NSMCE2: variants seen among roughly 807,000 people sequenced by gnomAD.
The protein encoded by NSMCE2 is E3 SUMO-protein ligase NSE2.
Under a neutral mutation model 23.8 loss-of-function variants are expected in NSMCE2, and 24 were observed. The observed-to-expected ratio is 1.01, with a 90% CI of 0.73 to 1.42. The LOEUF is 1.42. Among genes scored for constraint, NSMCE2 ranks in the 40% most tolerant of loss-of-function variants. The pLI is 0.00. For synonymous variants in NSMCE2, 92 were observed against 94.1 expected (o/e 0.98, Z 0.13); for missense variants, 284 against 296.5 (o/e 0.96, Z 0.31).
At position 125,264,865 on chromosome 8, in the gene NSMCE2, T is replaced by G. The variant is rs758542807; in HGVS notation, c.418+82609T>G. On this transcript the variant is annotated intron_variant, in intron 5 of 7. Transcript: ENST00000287437. The stretch of plus-strand genomic sequence containing the variant: ...TTATATCTTCTAGTACCTTGACACA[T>G]GCAAATATCTCATTTAATCTTCACA... Among the ~76,000 whole-genome samples, 5 of 152,304 alleles carry G rather than the reference T, an allele frequency of 3.3e-5. No homozygotes were observed. The South Asian group carries it at 6.2e-4, about 19-fold the overall frequency.
intron 5 of NSMCE2, among the ~76,000 whole-genome samples, chr8:125,238,570 A>T (rs1399330752): frequency 6.6e-6 from 1 of 151,876 alleles, no homozygotes; most frequent in Non-Finnish European, 1.5e-5. Context: ...ATTAAACAGC[A>T]TTTTTTTTCC....
intron 4 of NSMCE2, among the ~76,000 whole-genome samples, chr8:125,175,742 T>A (rs773594555): frequency 9.2e-5 from 14 of 152,244 alleles, no homozygotes; most frequent in Non-Finnish European, 1.6e-4. Flanking sequence ...GAGGAGACTT[T>A]GACTTTGCCC....
intron 5 of NSMCE2, among the ~76,000 whole-genome samples, chr8:125,308,396 GTCT>G (rs1318461210): frequency 6.6e-6 from 1 of 152,122 alleles, no homozygotes; most frequent in Non-Finnish European, 1.5e-5. Flanking sequence ...TCGCCTAATG[GTCT>G]TCTTGAGTCA....
chr8:125,174,032 C>T (rs1822352757), intron 4 of NSMCE2, among the ~76,000 whole-genome samples: 1 of 152,136 alleles, frequency 6.6e-6, no homozygotes, highest in Non-Finnish European at 1.5e-5. Context: ...CCTCATTTCA[C>T]CTTGCCCTCA....
At chr8:125,277,510 CTT>C (rs60732204) in intron 5 of NSMCE2, among the ~76,000 whole-genome samples, 1 of 145,152 alleles carries the variant, frequency 6.9e-6, no homozygotes, top group Non-Finnish European at 1.5e-5. Context: ...TCTTCTTCTT[CTT>C]TTTTTTTTTT....
At chr8:125,139,267 C>G (rs917931966) in intron 3 of NSMCE2, among the ~76,000 whole-genome samples, 1 of 152,196 alleles carries the variant, frequency 6.6e-6, no homozygotes, top group Non-Finnish European at 1.5e-5. Context: ...CCAGGGTACC[C>G]TGTACAGTGC....
intron 5 of NSMCE2, among the ~76,000 whole-genome samples, chr8:125,324,229 C>A (rs1829556942): frequency 6.6e-6 from 1 of 152,146 alleles, no homozygotes; most frequent in Non-Finnish European, 1.5e-5. Context: ...TCTCTTCACA[C>A]TGCTGGTGGA....
intron 1 of NSMCE2, among the ~76,000 whole-genome samples, chr8:125,096,315 G>C (rs1343171932): frequency 2.6e-5 from 4 of 152,204 alleles, no homozygotes; most frequent in Admixed American, 2.6e-4. Context: ...AGAGGAAATG[G>C]TTTTGGTGGG....
At chr8:125,365,085 A>T (rs556582211) in intron 7 of NSMCE2, among the ~76,000 whole-genome samples, 72 of 152,038 alleles carry the variant, frequency 4.7e-4, no homozygotes, top group African/African-American at 1.7e-3. Context: ...TGACTCACTG[A>T]TGTCTTTAGC....
intron 5 of NSMCE2, among the ~76,000 whole-genome samples, chr8:125,295,085 A>G (rs1429619435): frequency 2.6e-5 from 4 of 152,214 alleles, no homozygotes; most frequent in Non-Finnish European, 5.9e-5. Context: ...CTGTGATGAC[A>G]TAGGGTTTTG....
At chr8:125,257,617 T>G (rs1289584584) in intron 5 of NSMCE2, among the ~76,000 whole-genome samples, 3 of 137,324 alleles carry the variant, frequency 2.2e-5, no homozygotes, top group Non-Finnish European at 4.6e-5. Context: ...CACTGCAAGC[T>G]CCGCCTCCCG....
chr8:125,361,812 G>A lies in NSMCE2; in HGVS notation c.626+3994G>A, dbSNP rs575359623. On this transcript the variant is annotated intron_variant, in intron 7 of 7. Coordinates refer to ENST00000287437, the MANE Select transcript of NSMCE2 (RefSeq NM_173685.4). ...TATTTGACTCAGGGGTTGTAAGATA[G>A]AATTACTGTCTGTGTTGAGGTATGA... Among the ~76,000 whole-genome samples, 17 of 152,294 alleles carry A rather than the reference G, an allele frequency of 1.1e-4. No homozygotes were observed. The South Asian group carries it at 3.5e-3, about 32-fold the overall frequency.
intron 3 of NSMCE2, among the ~76,000 whole-genome samples, chr8:125,114,452 C>A (rs1331707899): frequency 6.6e-6 from 1 of 152,218 alleles, no homozygotes; most frequent in Non-Finnish European, 1.5e-5. Context: ...TATATACCCA[C>A]ACCCATGTTC....
chr8:125,161,845 A>C (rs929315726), intron 4 of NSMCE2, among the ~76,000 whole-genome samples: 4 of 151,448 alleles, frequency 2.6e-5, no homozygotes, highest in African/African-American at 9.7e-5. Flanking sequence ...ATATGATTGC[A>C]CCACAGGATT....
intron 5 of NSMCE2, among the ~76,000 whole-genome samples, chr8:125,303,897 T>C (rs895854892): frequency 6.6e-6 from 1 of 152,226 alleles, no homozygotes; most frequent in African/African-American, 2.4e-5. Context: ...GTCCCTAAGA[T>C]GCATGTCACC....
chr8:125,194,819 T>G (rs992411244), intron 5 of NSMCE2, among the ~76,000 whole-genome samples: 3 of 152,240 alleles, frequency 2.0e-5, no homozygotes, highest in African/African-American at 7.2e-5. Context: ...CATTCTGCTA[T>G]TCTAATAAGT....
intron 4 of NSMCE2, among the ~76,000 whole-genome samples, chr8:125,165,837 C>G (rs532943348): frequency 1.5e-3 from 221 of 152,080 alleles, no homozygotes; most frequent in African/African-American, 5.1e-3. Flanking sequence ...AATTAGAAGG[C>G]AAAAGGCAAT....
intron 5 of NSMCE2, among the ~76,000 whole-genome samples, chr8:125,337,884 CA>C (rs35658538): frequency 0.37 from 35,888 of 97,094 alleles, 5,354 homozygotes; most frequent in East Asian, 0.5. Flanking sequence ...AACTCTATCT[CA>C]AAAAAAAAAA....
At chr8:125,193,736 C>T (rs1018569285) in intron 5 of NSMCE2, among the ~76,000 whole-genome samples, 16 of 152,188 alleles carry the variant, frequency 1.1e-4, no homozygotes, top group Non-Finnish European at 2.2e-4. Context: ...TCTAAGATTT[C>T]AGAAGAATTG....
Sources: allele counts gnomAD v4.1 joint callset (sites outside exome capture counted in the v4.1 genomes callset), GRCh38; gene constraint gnomAD v4.1.1; transcripts MANE v1.5; gene names NCBI Gene and HGNC (gene_info 2026-07-23, HGNC 2026-07-21).